IL1RAPL1: variants seen among roughly 807,000 people sequenced by gnomAD.
The protein encoded by IL1RAPL1 is interleukin-1 receptor accessory protein-like 1.
In IL1RAPL1, 3 loss-of-function variants were observed where a neutral mutation model predicts 48.4. That is an observed-to-expected ratio of 0.06 (90% CI 0.03 to 0.16). The LOEUF (loss-of-function observed/expected upper bound fraction) is 0.16. Ranked by LOEUF, IL1RAPL1 falls within the 10% of genes least tolerant of loss-of-function variation. The pLI, the probability that IL1RAPL1 is intolerant of heterozygous loss-of-function variation, is 1.00. For synonymous variants in IL1RAPL1, 185 were observed against 187.7 expected (o/e 0.99, Z 0.12); for missense variants, 349 against 530.6 (o/e 0.66, Z 3.36).
intron 2 of IL1RAPL1, among the ~76,000 whole-genome samples, chrX:29,088,713 A>C (rs1461653223): frequency 9.3e-6 from 1 of 107,810 alleles, no homozygotes; most frequent in Non-Finnish European, 1.9e-5. Context: ...AAAATGCACT[A>C]CTGTAGAATA....
chrX:29,497,751 T>C (rs774049961), intron 5 of IL1RAPL1, among the ~76,000 whole-genome samples: 8 of 104,612 alleles, frequency 7.6e-5, no homozygotes, highest in Non-Finnish European at 1.4e-4. Context: ...TTTAAGGAGA[T>C]ACATTATGCC....
At chrX:29,202,215 A>G (rs759717115) in intron 2 of IL1RAPL1, among the ~76,000 whole-genome samples, 37 of 112,059 alleles carry the variant, frequency 3.3e-4, no homozygotes, top group African/African-American at 1.1e-3. Context: ...ATGAACAGAA[A>G]CTTTTCAATA....
intron 1 of IL1RAPL1, among the ~76,000 whole-genome samples, chrX:28,726,555 CA>C (rs965239263): frequency 9.0e-6 from 1 of 111,415 alleles, no homozygotes; most frequent in East Asian, 2.8e-4. Context: ...AACTCCCTCA[CA>C]AAAAATACGA....
At chrX:29,903,825 G>T (rs753660093) in intron 6 of IL1RAPL1, among the ~76,000 whole-genome samples, 1 of 111,786 alleles carries the variant, frequency 8.9e-6, no homozygotes, top group Non-Finnish European at 1.9e-5. Flanking sequence ...TGAGCTGACT[G>T]TGCACCTTTC....
chrX:28,880,763 C>T (rs1161107642), intron 2 of IL1RAPL1, among the ~76,000 whole-genome samples: 3 of 111,113 alleles, frequency 2.7e-5, no homozygotes, highest in Admixed American at 9.6e-5. Context: ...TCTATCATTG[C>T]CTTTCAGCTA....
At chrX:29,302,022 G>T in intron 3 of IL1RAPL1, among the ~76,000 whole-genome samples, 1 of 111,937 alleles carries the variant, frequency 8.9e-6, no homozygotes, top group Middle Eastern at 4.6e-3. Context: ...GCGTGGGAAA[G>T]AAACAGAAGC....
Position 28,962,627 on chromosome X carries a change from T to C in IL1RAPL1, c.82+173202T>C, listed in dbSNP as rs142668518. On this transcript the variant is annotated intron_variant, in intron 2 of 10. Transcript: ENST00000378993. Reference sequence around the variant, plus strand: ...TTCAGAAAAAAATAATAAGTAGTTATATACCAATAAAAATATTATAAATAA... The same window carrying C: ...TTCAGAAAAAAATAATAAGTAGTTACATACCAATAAAAATATTATAAATAA... 7.3e-3 allele frequency among the ~76,000 whole-genome samples: 813 copies of C among 111,565 alleles called. 6 individuals are homozygous for C. Among genetic ancestry groups the C allele is most frequent in the African/African-American group, 0.025 (778 of 30,765 alleles).
chrX:28,680,929 G>A (rs1047542301), intron 1 of IL1RAPL1, among the ~76,000 whole-genome samples: 14 of 111,518 alleles, frequency 1.3e-4, no homozygotes, highest in Admixed American at 2.9e-4. Context: ...TGATATTGGA[G>A]TGATATTGGC....
intron 5 of IL1RAPL1, among the ~76,000 whole-genome samples, chrX:29,579,474 G>A (rs2147802810): frequency 8.9e-6 from 1 of 111,907 alleles, no homozygotes; most frequent in East Asian, 2.8e-4. Flanking sequence ...AAGCCAGAAG[G>A]TGACAAAGTA....
At chrX:29,643,590 T>C (rs778156089) in intron 5 of IL1RAPL1, among the ~76,000 whole-genome samples, 13 of 112,135 alleles carry the variant, frequency 1.2e-4, no homozygotes, top group Non-Finnish European at 1.9e-4. Context: ...AGATAATTAG[T>C]ACCTGGCCTC....
At chrX:29,333,586 C>T (rs1349268105) in intron 3 of IL1RAPL1, among the ~76,000 whole-genome samples, 2 of 91,368 alleles carry the variant, frequency 2.2e-5, no homozygotes, top group Admixed American at 1.1e-4. Context: ...GGGGGGCTGA[C>T]CCCCCCACCT....
chrX:29,375,352 G>A, intron 3 of IL1RAPL1, among the ~76,000 whole-genome samples: 1 of 110,085 alleles, frequency 9.1e-6, no homozygotes, highest in Middle Eastern at 4.6e-3. Context: ...TTTTAGTAGA[G>A]ACGGGGTTTC....
chrX:29,062,155 T>C (rs1232368463), intron 2 of IL1RAPL1, among the ~76,000 whole-genome samples: 2 of 112,169 alleles, frequency 1.8e-5, no homozygotes, highest in Non-Finnish European at 3.8e-5. Context: ...TTATAGGTAA[T>C]TTGAAGATTT....
chrX:28,855,104 C>G (rs1921770939), intron 2 of IL1RAPL1, among the ~76,000 whole-genome samples: 1 of 111,786 alleles, frequency 8.9e-6, no homozygotes, highest in Admixed American at 9.5e-5. Flanking sequence ...ACTGCAACTT[C>G]CGCCTCCCAA....
chrX:29,065,953 C>G (rs921867529), intron 2 of IL1RAPL1, among the ~76,000 whole-genome samples: 2 of 111,517 alleles, frequency 1.8e-5, no homozygotes, highest in African/African-American at 6.5e-5. Context: ...TAAATATGGT[C>G]TCCTTTATTA....
At chrX:28,783,849 A>G (rs1425966750) in intron 1 of IL1RAPL1, among the ~76,000 whole-genome samples, 1 of 111,201 alleles carries the variant, frequency 9.0e-6, no homozygotes, top group East Asian at 2.8e-4. Context: ...TGCACTGAGC[A>G]CTTTCCATGG....
At chrX:28,962,376 A>G (rs1448418494) in intron 2 of IL1RAPL1, among the ~76,000 whole-genome samples, 2 of 111,930 alleles carry the variant, frequency 1.8e-5, no homozygotes, top group Non-Finnish European at 3.8e-5. Flanking sequence ...TTTTTCTGGC[A>G]GTACCACTGT....
At chrX:29,069,560 G>A (rs1397368908) in intron 2 of IL1RAPL1, among the ~76,000 whole-genome samples, 1 of 103,922 alleles carries the variant, frequency 9.6e-6, no homozygotes, top group East Asian at 3.1e-4. Flanking sequence ...TTGTTGTCTA[G>A]GTCACTAAAT....
intron 2 of IL1RAPL1, among the ~76,000 whole-genome samples, chrX:28,956,478 C>T (rs1309456001): frequency 9.1e-5 from 10 of 110,379 alleles, no homozygotes; most frequent in Admixed American, 4.9e-4. Context: ...TGAAGGGTTG[C>T]TGAATTTTGT....
Sources: allele counts gnomAD v4.1 joint callset (sites outside exome capture counted in the v4.1 genomes callset), GRCh38; gene constraint gnomAD v4.1.1; transcripts MANE v1.5; gene names NCBI Gene and HGNC (gene_info 2026-07-23, HGNC 2026-07-21).